Variants in PPFIA2 observed in about 807,000 individuals in gnomAD.
The protein encoded by PPFIA2 is PPFI scaffold protein A2.
PPFIA2 carries 46 observed loss-of-function variants against 175.5 expected under a neutral mutation model. The observed-to-expected ratio is 0.26, with a 90% CI of 0.21 to 0.34. The LOEUF (loss-of-function observed/expected upper bound fraction) is 0.34, where lower values mean the gene tolerates loss of function less well. Among genes scored for constraint, PPFIA2 ranks in the 10% least tolerant of loss-of-function variants. PPFIA2 has a pLI of 1.00. For synonymous variants in PPFIA2, 568 were observed against 511.4 expected, an observed-to-expected ratio of 1.11 and a Z score of -1.49; for missense variants, 1,179 against 1,506.1, an observed-to-expected ratio of 0.78 and a Z score of 3.60.
chr12:81,553,917 A>T (rs1471205565), intron 4 of PPFIA2, among the ~76,000 whole-genome samples: 1 of 152,044 alleles, frequency 6.6e-6, no homozygotes, highest in Non-Finnish European at 1.5e-5. Context: ...GAGCTGGATA[A>T]GTGACTTGGA....
chr12:81,651,208 T>A (rs899892799), intron 4 of PPFIA2, among the ~76,000 whole-genome samples: 7 of 151,988 alleles, frequency 4.6e-5, no homozygotes, highest in Non-Finnish European at 1.0e-4. Flanking sequence ...CAGAGAAAAG[T>A]GAGTTAATGG....
At chr12:81,634,119 T>C (rs2063717457) in intron 4 of PPFIA2, among the ~76,000 whole-genome samples, 1 of 152,146 alleles carries the variant, frequency 6.6e-6, no homozygotes, top group South Asian at 2.1e-4. Flanking sequence ...GAGAACTTCT[T>C]GCATTTCCAG....
intron 4 of PPFIA2, among the ~76,000 whole-genome samples, chr12:81,619,629 A>C (rs900509059): frequency 1.3e-5 from 2 of 152,248 alleles, no homozygotes; most frequent in East Asian, 3.9e-4. Flanking sequence ...CTGGAACAAT[A>C]AATTTAAGTA....
chr12:81,750,602 C>A (rs945827948), intron 3 of PPFIA2, among the ~76,000 whole-genome samples: 25 of 152,100 alleles, frequency 1.6e-4, no homozygotes, highest in Admixed American at 5.9e-4. Flanking sequence ...TAAGAAACTT[C>A]AGGCCTGGAG....
chr12:81,728,855 T>C (rs1007329427), intron 3 of PPFIA2, among the ~76,000 whole-genome samples: 20 of 151,426 alleles, frequency 1.3e-4, no homozygotes, highest in Non-Finnish European at 2.5e-4. Flanking sequence ...AATTCAGCAA[T>C]GTGATAGATG....
chr12:81,566,391 G>C (rs2071288248), intron 4 of PPFIA2, among the ~76,000 whole-genome samples: 1 of 151,918 alleles, frequency 6.6e-6, no homozygotes. Flanking sequence ...AGGCTTGGTG[G>C]TGGGTGCCTG....
rs571230312 is a variant in PPFIA2, at chr12:81,504,397, A to G, written c.304-46531T>C. On this transcript the variant is annotated intron_variant, in intron 4 of 32. Coordinates refer to ENST00000549396, the MANE Select transcript of PPFIA2 (RefSeq NM_003625.5). ...ATGGCCAACAAGCATATGAAAAAAA[A>G]GCTTATCACTGGTCATTAGAGAAAT... Among the ~76,000 whole-genome samples the G allele has an allele frequency of 2.7e-4, 41 of 152,222 alleles. No homozygotes were observed. In the East Asian group the frequency reaches 7.7e-3, roughly 29 times the overall value.
intron 4 of PPFIA2, among the ~76,000 whole-genome samples, chr12:81,592,353 G>A (rs1372760682): frequency 6.6e-6 from 1 of 152,048 alleles, no homozygotes; most frequent in Non-Finnish European, 1.5e-5. Flanking sequence ...TAAGATTTTG[G>A]GGGACTGTTG....
intron 4 of PPFIA2, among the ~76,000 whole-genome samples, chr12:81,499,294 C>T (rs1275423903): frequency 2.6e-5 from 4 of 152,128 alleles, no homozygotes; most frequent in Non-Finnish European, 5.9e-5. Context: ...TGTTTTCTTT[C>T]GTTCCAGTTA....
intron 11 of PPFIA2, among the ~76,000 whole-genome samples, chr12:81,373,478 TTGC>T (rs2035662419): frequency 6.6e-6 from 1 of 151,960 alleles, no homozygotes; most frequent in Non-Finnish European, 1.5e-5. Context: ...ATTCCTGAAA[TTGC>T]CAGAGTGGTT....
intron 3 of PPFIA2, among the ~76,000 whole-genome samples, chr12:81,688,185 A>G (rs2074704536): frequency 6.6e-6 from 1 of 151,996 alleles, no homozygotes; most frequent in Non-Finnish European, 1.5e-5. Context: ...TTTTTGCTGT[A>G]CATTAAAAAC....
chr12:81,664,831 T>A (rs1326623554), intron 4 of PPFIA2, among the ~76,000 whole-genome samples: 2 of 152,044 alleles, frequency 1.3e-5, no homozygotes, highest in African/African-American at 4.8e-5. Flanking sequence ...ATGTGGCACA[T>A]ATACACCATG....
At chr12:81,511,668 A>G (rs2061815015) in intron 4 of PPFIA2, among the ~76,000 whole-genome samples, 1 of 152,072 alleles carries the variant, frequency 6.6e-6, no homozygotes. Flanking sequence ...CATCTACATC[A>G]GTATATGGAA....
intron 7 of PPFIA2, among the ~76,000 whole-genome samples, chr12:81,434,197 T>C (rs2144664112): frequency 6.6e-6 from 1 of 152,212 alleles, no homozygotes; most frequent in African/African-American, 2.4e-5. Flanking sequence ...AAATTTTCGA[T>C]GGTATGTTAC....
intron 3 of PPFIA2, among the ~76,000 whole-genome samples, chr12:81,700,405 A>C (rs868352567): frequency 2.0e-5 from 3 of 152,140 alleles, no homozygotes; most frequent in South Asian, 2.1e-4. Flanking sequence ...TCCCATTCTC[A>C]TGCTTTATAA....
chr12:81,677,779 C>A (rs2072839587), intron 3 of PPFIA2, among the ~76,000 whole-genome samples: 1 of 151,750 alleles, frequency 6.6e-6, no homozygotes, highest in Non-Finnish European at 1.5e-5. Context: ...TGAGTAATGA[C>A]TATAGTTGTT....
intron 4 of PPFIA2, among the ~76,000 whole-genome samples, chr12:81,548,720 A>G (rs1186419978): frequency 6.6e-6 from 1 of 152,142 alleles, no homozygotes; most frequent in African/African-American, 2.4e-5. Context: ...GCTTGTATGT[A>G]AAAATGCACG....
chr12:81,737,632 G>T (rs1306257638), intron 3 of PPFIA2, among the ~76,000 whole-genome samples: 4 of 151,884 alleles, frequency 2.6e-5, no homozygotes, highest in Non-Finnish European at 1.5e-5. Context: ...ATTCAAGTTA[G>T]CAGAAAGACT....
intron 7 of PPFIA2, among the ~76,000 whole-genome samples, chr12:81,433,393 T>C (rs1331987620): frequency 2.0e-5 from 3 of 152,212 alleles, no homozygotes; most frequent in African/African-American, 7.2e-5. Flanking sequence ...CTTGTGCCTG[T>C]ATTTTGTATT....
Sources: allele counts gnomAD v4.1 joint callset (sites outside exome capture counted in the v4.1 genomes callset), GRCh38; gene constraint gnomAD v4.1.1; transcripts MANE v1.5; gene names NCBI Gene and HGNC (gene_info 2026-07-23, HGNC 2026-07-21).